Variants in RTN1 observed in about 807,000 individuals in gnomAD.
The protein encoded by RTN1 is reticulon 1, also known as reticulon-1.
In RTN1, 25 loss-of-function variants were observed where a neutral mutation model predicts 65.5. The observed-to-expected ratio is 0.38, with a 90% confidence interval of 0.28 to 0.53. The LOEUF (loss-of-function observed/expected upper bound fraction) is 0.53, where lower values mean the gene tolerates loss of function less well. Among genes scored for constraint, RTN1 ranks in the 20% least tolerant of loss-of-function variants. The probability of loss-of-function intolerance (pLI) is 0.79; values close to 1 mark genes in which losing one functional copy is unlikely to be tolerated. For missense variants in RTN1, 983 were observed against 1,025.4 expected (o/e 0.96, Z 0.57); for synonymous variants, 471 against 447.6 (o/e 1.05, Z -0.66).
rs1887832413 is a variant in RTN1, at chr14:59,868,302, T to G, written c.241+2088A>C. On this transcript the variant is annotated intron_variant, in intron 1 of 8. Transcript: ENST00000267484. The surrounding 1 kb of genome is among the most constrained non-coding windows in gnomAD (Gnocchi z 4.0). ...CCACAATCATAAACTAAAAAATTTC[T>G]ATATAAATATGCAAAATATGTGCTC... Among the ~76,000 whole-genome samples the G allele has an allele frequency of 6.6e-6, 1 of 152,216 alleles. No individual in the cohort carries two copies. The highest frequency in any genetic ancestry group is 1.5e-5 in the Non-Finnish European group (1 of 68,038).
At chr14:59,823,766 A>G (rs990745929) in intron 1 of RTN1, among the ~76,000 whole-genome samples, 35 of 152,038 alleles carry the variant, frequency 2.3e-4, no homozygotes, top group African/African-American at 7.7e-4. Flanking sequence ...TGGTTGTCTT[A>G]TATAATATTT....
chr14:59,849,966 T>C lies in RTN1; in HGVS notation c.241+20424A>G, dbSNP rs1887475209. Among the ~76,000 whole-genome samples, 1 of 152,158 alleles carries C rather than the reference T, an allele frequency of 6.6e-6. No homozygotes were observed. The highest frequency in any genetic ancestry group is 1.5e-5 in the Non-Finnish European group (1 of 68,026). ...AATTCCTCCACTTCCTCTTCCTTTT[T>C]GTCTATTTGTGTCCATTCCAGGGGC... is the stretch of plus-strand genomic sequence containing the variant. On this transcript the variant is annotated intron_variant, in intron 1 of 8. Transcript: ENST00000267484. This position sits in a 1 kb window ranked among gnomAD's most constrained non-coding sequence, Gnocchi z 4.5.
intron 3 of RTN1, among the ~76,000 whole-genome samples, chr14:59,656,949 G>A (rs940593773): frequency 2.6e-5 from 4 of 151,308 alleles, no homozygotes; most frequent in Admixed American, 1.3e-4. Flanking sequence ...CCTATCAAGT[G>A]GATGACTCAC....
chr14:59,711,384 T>C (rs1884414755), intron 3 of RTN1, among the ~76,000 whole-genome samples: 1 of 152,220 alleles, frequency 6.6e-6, no homozygotes, highest in Non-Finnish European at 1.5e-5. Flanking sequence ...ACTCCAGGAA[T>C]GAACAACTGA....
intron 1 of RTN1, among the ~76,000 whole-genome samples, chr14:59,813,356 A>C (rs180697839): frequency 5.0e-4 from 76 of 152,238 alleles, no homozygotes; most frequent in African/African-American, 1.8e-3. Context: ...TAAAAGCATC[A>C]CTCCCAATTA....
At position 59,745,929 on chromosome 14, in the gene RTN1, T is replaced by C. The variant is rs1327902714; in HGVS notation, c.794A>G (p.Asp265Gly). Residue 265 changes from aspartate to glycine, a missense_variant, in exon 2 of 9, where the codon GAT becomes GGT. By Grantham distance (94) the Asp-to-Gly change is moderately conservative (BLOSUM62 -1). This residue lies in a region of RTN1 where 818 missense variants were observed against 801.8 expected (regional missense o/e 1.02). Coordinates refer to ENST00000267484, the MANE Select transcript of RTN1 (RefSeq NM_021136.3). Reference sequence around the variant, plus strand: ...CCTGCGCTGTTCTTCAGAGAGATCATCTATGTATGGAGCAAATGTGGATTC... The same window carrying C: ...CCTGCGCTGTTCTTCAGAGAGATCACCTATGTATGGAGCAAATGTGGATTC... ...LEESTFAPYIDDLSEEQRRAP... is the reference protein window; with the variant it reads ...LEESTFAPYIGDLSEEQRRAP... 6.2e-7 allele frequency: 1 copy of C among 1,614,006 alleles called. No homozygotes were observed. Among genetic ancestry groups the C allele is most frequent in the Non-Finnish European group, 8.5e-7 (1 of 1,180,020 alleles).
intron 2 of RTN1, 59 bp downstream of exon 2, chr14:59,745,649 A>T: frequency 7.2e-7 from 1 of 1,392,932 alleles, no homozygotes; most frequent in Non-Finnish European, 9.8e-7. Context: ...TATTTGTTTT[A>T]GGGATTGAGA....
rs914187416 is a variant in RTN1, at chr14:59,775,889, T to C, written c.242-29408A>G. 6.6e-5 allele frequency among the ~76,000 whole-genome samples: 10 copies of C among 152,274 alleles called. 1 individual carries two copies. The highest frequency in any genetic ancestry group is 2.0e-4 in the Admixed American group (3 of 15,276). On this transcript the variant is annotated intron_variant, in intron 1 of 8. Coordinates refer to ENST00000267484, the MANE Select transcript of RTN1 (RefSeq NM_021136.3). ...TAAAGAAGAGAAGCCATTTGAAGTC[T>C]AAACTGTTCCTCTCACAACCAGAAA...
At chr14:59,605,331 G>C (rs777226273) in intron 5 of RTN1, 37 bp downstream of exon 5, 10 of 1,596,872 alleles carry the variant, frequency 6.3e-6, no homozygotes, top group Non-Finnish European at 8.5e-6. Flanking sequence ...GAAAATAACA[G>C]TCAAGACTGT....
intron 1 of RTN1, among the ~76,000 whole-genome samples, chr14:59,839,242 C>A (rs1887267889): frequency 6.6e-6 from 1 of 152,118 alleles, no homozygotes; most frequent in Non-Finnish European, 1.5e-5. Flanking sequence ...AGATGTAACT[C>A]AGTTTAAACT....
chr14:59,780,677 T>C (rs1021964593), intron 1 of RTN1, among the ~76,000 whole-genome samples: 4 of 152,230 alleles, frequency 2.6e-5, no homozygotes, highest in African/African-American at 9.6e-5. Context: ...CAACTTCATT[T>C]CTATTTGTTT....
At chr14:59,603,816 G>A (rs750252386) in intron 6 of RTN1, 36 bp downstream of exon 6, 2 of 1,555,130 alleles carry the variant, frequency 1.3e-6, no homozygotes, top group Non-Finnish European at 1.8e-6. Context: ...CACAGAGGGG[G>A]TGAAGGAAGA....
In RTN1 at chr14:59,709,969, T is replaced by TTCCC. The variant is rs1187192337; in HGVS notation, c.1765+16946_1765+16949dup. On this transcript the variant is annotated intron_variant, in intron 3 of 8. Coordinates refer to ENST00000267484, the MANE Select transcript of RTN1 (RefSeq NM_021136.3). ...TGAACACCTTCCTTTTTAATTTTAT[T>TTCCC]TCCCTCCCTCCCTCCCTTCCTTCCT... Among the ~76,000 whole-genome samples the TTCCC allele has an allele frequency of 4.2e-4, 64 of 151,948 alleles. 1 individual carries two copies. Among genetic ancestry groups the TTCCC allele is most frequent in the Middle Eastern group, 6.8e-3 (2 of 292 alleles).
chr14:59,601,002 T>G (rs564248403), intron 8 of RTN1, among the ~76,000 whole-genome samples: 1 of 152,158 alleles, frequency 6.6e-6, no homozygotes, highest in Non-Finnish European at 1.5e-5. Flanking sequence ...TAGACTGCCA[T>G]AGTGATCTTT....
chr14:59,835,275 T>G (rs1044605624), intron 1 of RTN1, among the ~76,000 whole-genome samples: 4 of 152,116 alleles, frequency 2.6e-5, no homozygotes, highest in African/African-American at 7.2e-5. Flanking sequence ...TATGGTATGA[T>G]TCCATTTCTA....
At chr14:59,837,414 G>A (rs1226762012) in intron 1 of RTN1, among the ~76,000 whole-genome samples, 2 of 151,758 alleles carry the variant, frequency 1.3e-5, no homozygotes, top group Non-Finnish European at 1.5e-5. Flanking sequence ...AAAACAAAAG[G>A]AAGAAACAGA....
intron 2 of RTN1, among the ~76,000 whole-genome samples, chr14:59,741,530 T>C (rs1173647039): frequency 6.6e-6 from 1 of 152,248 alleles, no homozygotes; most frequent in Non-Finnish European, 1.5e-5. Context: ...CTGGCAGTAA[T>C]GGAACAATGC....
intron 1 of RTN1, among the ~76,000 whole-genome samples, chr14:59,824,829 G>A (rs1228234539): frequency 6.6e-6 from 1 of 152,212 alleles, no homozygotes; most frequent in Non-Finnish European, 1.5e-5. Flanking sequence ...TGTCATTAAA[G>A]TTAATATTCT....
chr14:59,747,274 C>G (rs1885247188), intron 1 of RTN1, among the ~76,000 whole-genome samples: 1 of 152,198 alleles, frequency 6.6e-6, no homozygotes, highest in South Asian at 2.1e-4. Flanking sequence ...TTTCACCAGG[C>G]TCTAATTCTA....
Sources: allele counts gnomAD v4.1 joint callset (sites outside exome capture counted in the v4.1 genomes callset), GRCh38; gene constraint gnomAD v4.1.1; regional missense constraint gnomAD v4.1.1; non-coding constraint Gnocchi (gnomAD v3.1); transcripts MANE v1.5; gene names NCBI Gene and HGNC (gene_info 2026-07-23, HGNC 2026-07-21).